The following NEUROD2 variants were observed in gnomAD, a reference collection of about 807,000 sequenced individuals.
NEUROD2 encodes neuronal differentiation 2.
Under a neutral mutation model 9.3 loss-of-function variants are expected in NEUROD2, and 5 were observed. The observed-to-expected ratio is 0.54, with a 90% CI of 0.28 to 1.13. NEUROD2 has a LOEUF of 1.13. NEUROD2 is among the 50% of genes most tolerant of loss of function. The pLI, the probability that NEUROD2 is intolerant of heterozygous loss-of-function variation, is 0.10. For synonymous variants in NEUROD2, 277 were observed against 257.3 expected, an observed-to-expected ratio of 1.08 and a Z score of -0.73; for missense variants, 376 against 549.2, an observed-to-expected ratio of 0.68 and a Z score of 3.15.
rs2144812913 is a variant in NEUROD2 at position 39,606,671 on chromosome 17, G to A, written c.-5-67C>T. The A allele has an allele frequency of 8.5e-6, 12 of 1,412,150 alleles. No homozygotes were observed. Among genetic ancestry groups the A allele is most frequent in the East Asian group, 5.6e-5 (2 of 35,932 alleles). 87.5% of individuals were successfully genotyped at this position (1,412,150 alleles called of 1,614,324 possible). ...AAAGTGAGGGGCGCGCTGGGGTACC[G>A]ACGCCCCCCCACAACCCTCCTCCAC... On this transcript the variant is annotated intron_variant, in intron 1 of 1. Coordinates refer to ENST00000302584, the MANE Select transcript of NEUROD2 (RefSeq NM_006160.4). The surrounding 1 kb of genome is among the most constrained non-coding windows in gnomAD (Gnocchi z 7.8).
Position 39,605,201 on chromosome 17 carries a change from G to A in NEUROD2, c.*250C>T. On this transcript the variant is annotated 3_prime_UTR_variant, in exon 2 of 2. Coordinates refer to ENST00000302584, the MANE Select transcript of NEUROD2 (RefSeq NM_006160.4). This position sits in a 1 kb window ranked among gnomAD's most constrained non-coding sequence, Gnocchi z 6.8. ...CCCCCGGAGAGAGGTCCCTGGAGAA[G>A]CACTCCTTGGGAGAGAGGAGGAGGG... 2 of 401,032 alleles carry A rather than the reference G, an allele frequency of 5.0e-6. No individual in the cohort carries two copies. The highest frequency in any genetic ancestry group is 7.8e-5 in the East Asian group (2 of 25,754). 24.8% of individuals were successfully genotyped at this position (401,032 alleles called of 1,614,324 possible).
At position 39,606,137 on chromosome 17, in the gene NEUROD2, G is replaced by C. The variant is rs1482152529; in HGVS notation, c.463C>G (p.Gln155Glu). ...AGCGTCTCGATCTTGGACAGCTTCT[G>C]CGTCTTGGAGTAGCAGGGCACCACC... The part of the protein sequence containing the change: ...RKVVPCYSKT[Q>E]KLSKIETLRL... Residue 155 changes from glutamine to glutamate, a missense_variant, in exon 2 of 2, where the codon CAG becomes GAG. Coordinates refer to ENST00000302584, the MANE Select transcript of NEUROD2 (RefSeq NM_006160.4). The surrounding 1 kb of genome is among the most constrained non-coding windows in gnomAD (Gnocchi z 7.8). 6.2e-7 allele frequency: 1 copy of C among 1,613,744 alleles called. No individual in the cohort carries two copies. The highest frequency in any genetic ancestry group is 1.3e-5 in the African/African-American group (1 of 74,928).
At position 39,606,393 on chromosome 17, in the gene NEUROD2, C is replaced by T; in HGVS notation, c.207G>A (p.Thr69=). ...CGCCTTCCTCCTTGACCTCGGCCAA[C>T]GTGGCCTCCGTCCCCTCTTCTCCAC... is the stretch of plus-strand genomic sequence containing the variant. ...PLRGEEGTEA[T]LAEVKEEGEL... is the part of the protein sequence containing the mutation. The change falls in exon 2 of 2, where the codon ACG becomes ACA. Residue 69 remains threonine (T), a synonymous_variant. Transcript: ENST00000302584. The surrounding 1 kb of genome is among the most constrained non-coding windows in gnomAD (Gnocchi z 7.8). The T allele has an allele frequency of 6.5e-7, 1 of 1,548,568 alleles. No homozygotes were observed. The highest frequency in any genetic ancestry group is 1.2e-5 in the South Asian group (1 of 84,258).
At position 39,606,815 on chromosome 17, in the gene NEUROD2, C is replaced by T. The variant is rs975041506; in HGVS notation, c.-5-211G>A. On this transcript the variant is annotated intron_variant, in intron 1 of 1. Coordinates refer to ENST00000302584, the MANE Select transcript of NEUROD2 (RefSeq NM_006160.4). The surrounding 1 kb of genome is among the most constrained non-coding windows in gnomAD (Gnocchi z 7.8). ...CCGGCCTGGGATCTCGGCCCAGGCC[C>T]TCTCCCCGGCGCTGGGCCCCGGCTC... 1 of 509,986 alleles carries T rather than the reference C, an allele frequency of 2.0e-6. No individual in the cohort carries two copies. The highest frequency in any genetic ancestry group is 3.4e-6 in the Non-Finnish European group (1 of 296,328). 31.6% of individuals were successfully genotyped at this position (509,986 alleles called of 1,614,324 possible).
rs1309479498 is a variant in NEUROD2, at chr17:39,606,781, A to T, written c.-5-177T>A. On this transcript the variant is annotated intron_variant, in intron 1 of 1. Transcript: ENST00000302584. The surrounding 1 kb of genome is among the most constrained non-coding windows in gnomAD (Gnocchi z 7.8). ...CCCCGCCCAGAGCCGGCCCAGCCCTACCCGGCTGCCGGCCTGGGATCTCGG... is the reference window on the plus strand; with the variant it reads ...CCCCGCCCAGAGCCGGCCCAGCCCTTCCCGGCTGCCGGCCTGGGATCTCGG... The T allele has an allele frequency of 1.6e-6, 1 of 611,140 alleles. No individual in the cohort carries two copies. The highest frequency in any genetic ancestry group is 2.0e-5 in the African/African-American group (1 of 49,980). The allele number at this position is 611,140 out of a possible 1,614,324, so 37.9% of individuals were successfully genotyped here. A position where few individuals can be genotyped will look rare whatever the true frequency, so the allele number is the denominator to read the frequency against.
chr17:39,605,349 C>G lies in NEUROD2; in HGVS notation c.*102G>C. 7.1e-7 allele frequency: 1 copy of G among 1,411,678 alleles called. No homozygotes were observed. The highest frequency in any genetic ancestry group is 9.3e-7 in the Non-Finnish European group (1 of 1,072,304). The allele number at this position is 1,411,678 out of a possible 1,614,324, so 87.4% of individuals were successfully genotyped here. ...GGCAGGACCGGTGGCCCGCTCCCCG[C>G]GCCCGGCGCCGGGGTAGGATGGGGG... On this transcript the variant is annotated 3_prime_UTR_variant, in exon 2 of 2. Transcript: ENST00000302584. The surrounding 1 kb of genome is among the most constrained non-coding windows in gnomAD (Gnocchi z 6.8).
In NEUROD2 at chr17:39,605,617, T is replaced by C; in HGVS notation, c.983A>G (p.His328Arg). 1.9e-6 allele frequency: 3 copies of C among 1,613,346 alleles called. No individual in the cohort carries two copies. The highest frequency in any genetic ancestry group is 2.5e-6 in the Non-Finnish European group (3 of 1,179,652). Reference protein sequence around the residue: ...DHEKSYHYSMHYSALPGSRPT... With the variant: ...DHEKSYHYSMRYSALPGSRPT... ...CCGCGAACCGGGCAGCGCCGAGTAG[T>C]GCATAGAGTAGTGGTAGCTTTTCTC... Residue 328 changes from histidine (H) to arginine (R), a missense_variant, in exon 2 of 2, where the codon CAC becomes CGC. By Grantham distance (29) the His-to-Arg change is conservative. Around this residue, in one of 3 missense-constraint regions of NEUROD2, gnomAD observed 193 missense variants for 255.8 expected, o/e 0.75. Transcript: ENST00000302584. The surrounding 1 kb of genome is among the most constrained non-coding windows in gnomAD (Gnocchi z 6.8).
At chr17:39,607,276 G>A (rs545934491) in intron 1 of NEUROD2, 1 of 152,466 alleles carries the variant, frequency 6.6e-6, no homozygotes, top group South Asian at 2.1e-4. Context: ...TGAGAGAAGC[G>A]AGCCCAGTCC....
Position 39,605,959 on chromosome 17 carries a change from T to C in NEUROD2, c.641A>G (p.Asn214Ser). The C allele has an allele frequency of 6.2e-7, 1 of 1,613,182 alleles. No individual in the cohort carries two copies. The highest frequency in any genetic ancestry group is 1.7e-5 in the Admixed American group (1 of 60,012). Residue 214 changes from asparagine (N) to serine (S), a missense_variant, in exon 2 of 2, where the codon AAC becomes AGC. Asn to Ser is a conservative substitution (Grantham distance 46, BLOSUM62 1). Around this residue, in one of 3 missense-constraint regions of NEUROD2, gnomAD observed 193 missense variants for 255.8 expected, o/e 0.75. Coordinates refer to ENST00000302584, the MANE Select transcript of NEUROD2 (RefSeq NM_006160.4). This position sits in a 1 kb window ranked among gnomAD's most constrained non-coding sequence, Gnocchi z 6.8. ...GTCGGCGCCTTGCTCCGTGAGGAAG[T>C]TGCGAGAGTTGAGCTGCAGACAGCC... Reference protein sequence around the residue: ...VAGCLQLNSRNFLTEQGADGA... With the variant: ...VAGCLQLNSRSFLTEQGADGA...
chr17:39,605,324 G>A lies in NEUROD2; in HGVS notation c.*127C>T. On this transcript the variant is annotated 3_prime_UTR_variant, in exon 2 of 2. Coordinates refer to ENST00000302584, the MANE Select transcript of NEUROD2 (RefSeq NM_006160.4). The surrounding 1 kb of genome is among the most constrained non-coding windows in gnomAD (Gnocchi z 6.8). ...CAGGACTGCGCTGCCCCAGGAGAGC[G>A]GCAGGACCGGTGGCCCGCTCCCCGC... 7.8e-7 allele frequency: 1 copy of A among 1,274,390 alleles called. No individual in the cohort carries two copies. The highest frequency in any genetic ancestry group is 1.6e-5 in the South Asian group (1 of 63,830). 78.9% of individuals were successfully genotyped at this position (1,274,390 alleles called of 1,614,324 possible).
rs755267056 is a variant in NEUROD2 at position 39,605,487 on chromosome 17, G to A, written c.1113C>T (p.Pro371=). ...YDMHLHHDRG[P]MYEELNAFFH... Reference sequence around the variant, plus strand: ...AAAACGCATTGAGCTCCTCGTACATGGGGCCCCGGTCGTGGTGAAGGTGCA... The same window carrying A: ...AAAACGCATTGAGCTCCTCGTACATAGGGCCCCGGTCGTGGTGAAGGTGCA... The change falls in exon 2 of 2, where the codon CCC becomes CCT. Residue 371 remains proline, a synonymous_variant. Transcript: ENST00000302584. This position sits in a 1 kb window ranked among gnomAD's most constrained non-coding sequence, Gnocchi z 6.8. 1.2e-6 allele frequency: 2 copies of A among 1,606,232 alleles called. No individual in the cohort carries two copies. The highest frequency in any genetic ancestry group is 1.7e-5 in the Admixed American group (1 of 58,698).
In NEUROD2 at chr17:39,604,179, A is replaced by G. The variant is rs1597765217; in HGVS notation, c.*1272T>C. On this transcript the variant is annotated 3_prime_UTR_variant, in exon 2 of 2. Transcript: ENST00000302584. ...GGGCTGCCCCCAGGTCTCCATCCCC[A>G]CCCCTCACCCCAGGAGGGGACAGAA... 6.6e-6 allele frequency: 1 copy of G among 151,500 alleles called. No individual in the cohort carries two copies. 9.4% of individuals were successfully genotyped at this position (151,500 alleles called of 1,614,324 possible).
Position 39,604,807 on chromosome 17 carries a change from T to G in NEUROD2, c.*644A>C, listed in dbSNP as rs2056760282. ...TTTTTTTTTTTTTTGTATGTTTGTTTGTTTAAAAAAAGGAAAAGGGAAAAA... is the reference window on the plus strand; with the variant it reads ...TTTTTTTTTTTTTTGTATGTTTGTTGGTTTAAAAAAAGGAAAAGGGAAAAA... On this transcript the variant is annotated 3_prime_UTR_variant, in exon 2 of 2. Coordinates refer to ENST00000302584, the MANE Select transcript of NEUROD2 (RefSeq NM_006160.4). The G allele has an allele frequency of 7.0e-6, 1 of 143,118 alleles. No individual in the cohort carries two copies. The highest frequency in any genetic ancestry group is 2.3e-4 in the South Asian group (1 of 4,440). 8.9% of individuals were successfully genotyped at this position (143,118 alleles called of 1,614,324 possible).
At position 39,605,402 on chromosome 17, in the gene NEUROD2, A is replaced by C; in HGVS notation, c.*49T>G. The C allele has an allele frequency of 6.7e-7, 1 of 1,482,934 alleles. No individual in the cohort carries two copies. The highest frequency in any genetic ancestry group is 9.0e-7 in the Non-Finnish European group (1 of 1,109,656). 91.9% of individuals were successfully genotyped at this position (1,482,934 alleles called of 1,614,324 possible). Reference sequence around the variant, plus strand: ...TCCCTGCGCTCTGGGGGCTGGGGACAGGGGGGCGGGCAAAGGCAAAAGAAA... The same window carrying C: ...TCCCTGCGCTCTGGGGGCTGGGGACCGGGGGGCGGGCAAAGGCAAAAGAAA... On this transcript the variant is annotated 3_prime_UTR_variant, in exon 2 of 2. Transcript: ENST00000302584. The surrounding 1 kb of genome is among the most constrained non-coding windows in gnomAD (Gnocchi z 6.8).
chr17:39,605,153 G>C lies in NEUROD2; in HGVS notation c.*298C>G. 1 of 299,250 alleles carries C rather than the reference G, an allele frequency of 3.3e-6. No homozygotes were observed. The allele number at this position is 299,250 out of a possible 1,614,324, so 18.5% of individuals were successfully genotyped here. ...AAACCTCAGCGAAGATATTGGGAAT[G>C]GGGGAGGGGTGCCTCCAGGGAGCCC... On this transcript the variant is annotated 3_prime_UTR_variant, in exon 2 of 2. Coordinates refer to ENST00000302584, the MANE Select transcript of NEUROD2 (RefSeq NM_006160.4). This position sits in a 1 kb window ranked among gnomAD's most constrained non-coding sequence, Gnocchi z 6.8.
chr17:39,607,530 G>T, intron 1 of NEUROD2, 198 bp downstream of exon 1: 15 of 848,090 alleles, frequency 1.8e-5, no homozygotes, highest in Non-Finnish European at 2.1e-5. Context: ...CGAGCCCATC[G>T]CAGGCAGAGA....
At position 39,606,725 on chromosome 17, in the gene NEUROD2, G is replaced by A; in HGVS notation, c.-5-121C>T. The A allele has an allele frequency of 9.0e-7, 1 of 1,117,048 alleles. No homozygotes were observed. The allele number at this position is 1,117,048 out of a possible 1,614,324, so 69.2% of individuals were successfully genotyped here. On this transcript the variant is annotated intron_variant, in intron 1 of 1. Coordinates refer to ENST00000302584, the MANE Select transcript of NEUROD2 (RefSeq NM_006160.4). This position sits in a 1 kb window ranked among gnomAD's most constrained non-coding sequence, Gnocchi z 7.8. Reference sequence around the variant, plus strand: ...CGAGTCTCGTGCGGGCTCCTGCCTAGGCTACCCTGGATGCCCACCTCCGCC... The same window carrying A: ...CGAGTCTCGTGCGGGCTCCTGCCTAAGCTACCCTGGATGCCCACCTCCGCC...
In NEUROD2 at chr17:39,603,881, G is replaced by C. The variant is rs1181587131; in HGVS notation, c.*1570C>G. On this transcript the variant is annotated 3_prime_UTR_variant, in exon 2 of 2. Coordinates refer to ENST00000302584, the MANE Select transcript of NEUROD2 (RefSeq NM_006160.4). ...AGTTTCATCTTCGCTACAAGAGGAA[G>C]GTAAAATTGCGTGTGTGTGGGTGAG... 2.0e-5 allele frequency: 3 copies of C among 152,798 alleles called. No individual in the cohort carries two copies. Among genetic ancestry groups the C allele is most frequent in the Admixed American group, 2.0e-4 (3 of 15,286 alleles). The allele number at this position is 152,798 out of a possible 1,614,324, so 9.5% of individuals were successfully genotyped here.
rs746110456 is a variant in NEUROD2, at chr17:39,606,572, C to T, written c.28G>A (p.Gly10Ser). 4.4e-6 allele frequency: 7 copies of T among 1,583,562 alleles called. No homozygotes were observed. The highest frequency in any genetic ancestry group is 2.7e-5 in the African/African-American group (2 of 73,098). MLTRLFSEP[G>S]LLSDVPKFAS... ...AACTTGGGCACGTCCGAGAGAAGGC[C>T]GGGCTCGCTGAACAGGCGGGTCAGC... Residue 10 changes from glycine to serine, a missense_variant, in exon 2 of 2, where the codon GGC becomes AGC. By Grantham distance (56) the Gly-to-Ser change is moderately conservative. This residue lies in a region of NEUROD2 where 134 missense variants were observed against 133.6 expected (regional missense o/e 1.00). Transcript: ENST00000302584. The surrounding 1 kb of genome is among the most constrained non-coding windows in gnomAD (Gnocchi z 7.8).
Sources: allele counts gnomAD v4.1 joint callset, GRCh38; gene constraint gnomAD v4.1.1; regional missense constraint gnomAD v4.1.1; non-coding constraint Gnocchi (gnomAD v3.1); transcripts MANE v1.5; gene names NCBI Gene and HGNC (gene_info 2026-07-23, HGNC 2026-07-21).